CACNG6: variants seen among roughly 807,000 people sequenced by gnomAD.
CACNG6 encodes voltage-dependent calcium channel gamma-6 subunit.
Under a neutral mutation model 23.9 loss-of-function variants are expected in CACNG6, and 21 were observed. That is an observed-to-expected ratio of 0.88 (90% CI 0.62 to 1.26). CACNG6 has a LOEUF of 1.26. Among genes scored for constraint, CACNG6 ranks in the 50% most tolerant of loss-of-function variants. CACNG6 has a pLI of 0.00. For missense variants in CACNG6, 340 were observed against 352.9 expected, an observed-to-expected ratio of 0.96 and a Z score of 0.29; for synonymous variants, 182 against 168.9, an observed-to-expected ratio of 1.08 and a Z score of -0.60.
At chr19:53,998,675 C>G (rs1265067699) in intron 2 of CACNG6, among the ~76,000 whole-genome samples, 2 of 152,038 alleles carry the variant, frequency 1.3e-5, no homozygotes, top group South Asian at 2.1e-4. Flanking sequence ...TCATGCCCAG[C>G]TAATTTTTAT....
At chr19:54,005,839 C>G (rs2069638048) in intron 3 of CACNG6, among the ~76,000 whole-genome samples, 1 of 150,686 alleles carries the variant, frequency 6.6e-6, no homozygotes, top group South Asian at 2.1e-4. Context: ...TCCTGTTATC[C>G]CATAACTTTG....
Position 53,998,261 on chromosome 19 carries a change from A to C in CACNG6, c.354A>C (p.Lys118Asn), listed in dbSNP as rs772227869. The C allele has an allele frequency of 5.0e-6, 8 of 1,613,934 alleles. No homozygotes were observed. The African/African-American group carries it at 1.1e-4, about 22-fold the overall frequency. ...CAGAAGCAAACTGCACCTATTTTAA[A>C]TTCTTCACCACGGGGGAGAATGCAC... ...LPGEANCTYF[K>N]FFTTGENARI... Residue 118 changes from lysine (K) to asparagine (N), a missense_variant, in exon 2 of 4, where the codon AAA becomes AAC. Coordinates refer to ENST00000252729, the MANE Select transcript of CACNG6 (RefSeq NM_145814.2).
intron 3 of CACNG6, among the ~76,000 whole-genome samples, chr19:54,002,364 C>T (rs1414693314): frequency 6.7e-6 from 1 of 149,216 alleles, no homozygotes; most frequent in Non-Finnish European, 1.5e-5. Context: ...GTGATCCGCC[C>T]ACCTCGGCCT....
intron 3 of CACNG6, among the ~76,000 whole-genome samples, chr19:54,008,702 T>C (rs2145967479): frequency 6.6e-6 from 1 of 152,356 alleles, no homozygotes; most frequent in Non-Finnish European, 1.5e-5. Context: ...GTTTTGAGCA[T>C]GACTGACTTC....
intron 3 of CACNG6, 57 bp downstream of exon 3, chr19:53,999,828 A>T (rs974268028): frequency 3.7e-5 from 59 of 1,593,216 alleles, no homozygotes; most frequent in Middle Eastern, 4.2e-4. Context: ...ATCTCCAGGC[A>T]CTGTTGCATG....
At chr19:54,002,268 TTTTTTTGTTTTTTTTG>T (rs1008351349) in intron 3 of CACNG6, among the ~76,000 whole-genome samples, 5 of 111,980 alleles carry the variant, frequency 4.5e-5, no homozygotes, top group African/African-American at 2.6e-4. Context: ...TAATTTTCGG[TTTTTTTGTTTTTTTTG>T]TTTTTTTTTT....
chr19:53,997,936 G>A (rs138155711), intron 1 of CACNG6, among the ~76,000 whole-genome samples: 10 of 152,232 alleles, frequency 6.6e-5, no homozygotes, highest in Middle Eastern at 3.4e-3. Context: ...AAACCCATAC[G>A]AAGGGGCCAG....
intron 3 of CACNG6, among the ~76,000 whole-genome samples, 184 bp from the exon 4 acceptor site, chr19:54,011,767 T>C (rs2069717727): frequency 1.3e-5 from 2 of 151,688 alleles, no homozygotes; most frequent in South Asian, 4.2e-4. Context: ...TCTTGTTTTT[T>C]TTTTTCTTTA....
Position 53,999,700 on chromosome 19 carries a change from G to C in CACNG6, c.473G>C (p.Cys158Ser), listed in dbSNP as rs202066966. Residue 158 changes from cysteine (C) to serine (S), a missense_variant, in exon 3 of 4, where the codon TGT (cysteine) becomes TCT (serine). By Grantham distance (112) the Cys-to-Ser change is moderately radical. Transcript: ENST00000252729. ...GCAGTCATGGCCTTGGGGTGCCTCTGTATCATCATGGTGCTCAGTAAAGGT... is the reference window on the plus strand; with the variant it reads ...GCAGTCATGGCCTTGGGGTGCCTCTCTATCATCATGGTGCTCAGTAAAGGT... ...GLAVMALGCL[C>S]IIMVLSKGAE... is the part of the protein sequence containing the mutation. The C allele has an allele frequency of 6.2e-7, 1 of 1,613,896 alleles. No homozygotes were observed. The highest frequency in any genetic ancestry group is 8.5e-7 in the Non-Finnish European group (1 of 1,179,966).
intron 3 of CACNG6, among the ~76,000 whole-genome samples, chr19:54,000,620 C>G (rs1331604166): frequency 6.6e-6 from 1 of 152,100 alleles, no homozygotes; most frequent in Non-Finnish European, 1.5e-5. Context: ...CCTTTGTCTC[C>G]CAGGCTGGAG....
Position 53,992,519 on chromosome 19 carries a change from G to A in CACNG6, c.-359G>A. 1 of 176,938 alleles carries A rather than the reference G, an allele frequency of 5.7e-6. No homozygotes were observed. The highest frequency in any genetic ancestry group is 1.2e-5 in the Non-Finnish European group (1 of 85,094). 11.0% of individuals were successfully genotyped at this position (176,938 alleles called of 1,614,324 possible). ...GCGGGCACCAGTTCTCATTCCTCTGGAGCTCTTGGGGGGACTCCCTCCTGG... is the reference window on the plus strand; with the variant it reads ...GCGGGCACCAGTTCTCATTCCTCTGAAGCTCTTGGGGGGACTCCCTCCTGG... On this transcript the variant is annotated 5_prime_UTR_variant, in exon 1 of 4. Transcript: ENST00000252729. The surrounding 1 kb of genome is among the most constrained non-coding windows in gnomAD (Gnocchi z 4.1).
At chr19:53,994,290 A>G (rs1369623098) in intron 1 of CACNG6, among the ~76,000 whole-genome samples, 1 of 152,060 alleles carries the variant, frequency 6.6e-6, no homozygotes, top group Non-Finnish European at 1.5e-5. Context: ...CTTCCCTGCA[A>G]TGTTCTTCAC....
Position 53,992,856 on chromosome 19 carries a change from T to C in CACNG6, c.-22T>C. The C allele has an allele frequency of 7.3e-7, 1 of 1,369,080 alleles. No homozygotes were observed. The highest frequency in any genetic ancestry group is 9.5e-7 in the Non-Finnish European group (1 of 1,057,456). 84.8% of individuals were successfully genotyped at this position (1,369,080 alleles called of 1,614,324 possible). A position where few individuals can be genotyped will look rare whatever the true frequency, so the allele number is the denominator to read the frequency against. On this transcript the variant is annotated 5_prime_UTR_variant, in exon 1 of 4. Transcript: ENST00000252729. This position sits in a 1 kb window ranked among gnomAD's most constrained non-coding sequence, Gnocchi z 4.1. ...TTCGCCGGCTCTGCCTCCTCCCCCT[T>C]CCCGACCCCACCGGCCATAAGATGA...
chr19:53,994,629 C>T (rs1485645929), intron 1 of CACNG6, among the ~76,000 whole-genome samples: 7 of 152,162 alleles, frequency 4.6e-5, no homozygotes, highest in South Asian at 2.1e-4. Context: ...TCTCCAAAGA[C>T]GGTCCTATCA....
In CACNG6 at chr19:53,998,258, T is replaced by C. The variant is rs761886401; in HGVS notation, c.351T>C (p.Phe117=). The C allele has an allele frequency of 6.2e-7, 1 of 1,614,084 alleles. No homozygotes were observed. The highest frequency in any genetic ancestry group is 8.5e-7 in the Non-Finnish European group (1 of 1,179,978). Residue 117 remains phenylalanine (F), a synonymous_variant, in exon 2 of 4, where the codon TTT becomes TTC. Transcript: ENST00000252729. ...ELPGEANCTY[F]KFFTTGENAR... ...CCACAGAAGCAAACTGCACCTATTT[T>C]AAATTCTTCACCACGGGGGAGAATG...
chr19:53,991,588 A>G (rs866456911), upstream of CACNG6, among the ~76,000 whole-genome samples: 2 of 2,174 alleles, frequency 9.2e-4, no homozygotes, highest in East Asian at 0.013. Flanking sequence ...TGGAGGGTGG[A>G]GGGTGGGGGG....
intron 3 of CACNG6, among the ~76,000 whole-genome samples, chr19:54,009,454 A>G (rs918523333): frequency 2.4e-4 from 36 of 148,860 alleles, no homozygotes; most frequent in Non-Finnish European, 4.9e-4. Flanking sequence ...CATCTAAAAA[A>G]AAAAAAAAAA....
rs147610426 is a variant in CACNG6, at chr19:54,012,087, C to T, written c.681C>T (p.Ala227=). The change falls in exon 4 of 4, where the codon GCC becomes GCT. Residue 227 remains alanine, a synonymous_variant. Transcript: ENST00000252729. Reference sequence around the variant, plus strand: ...GGTCCCTGGGCTGCGGCGTGGGGGCCGGCCTGATCCTGCTGTTGGGGGCCG... The same window carrying T: ...GGTCCCTGGGCTGCGGCGTGGGGGCTGGCCTGATCCTGCTGTTGGGGGCCG... ...YSWSLGCGVG[A]GLILLLGAGC... 4.2e-4 allele frequency: 656 copies of T among 1,580,398 alleles called. 4 individuals carry two copies. Among genetic ancestry groups the T allele is most frequent in the Non-Finnish European group, 3.3e-4 (385 of 1,165,902 alleles).
intron 3 of CACNG6, among the ~76,000 whole-genome samples, chr19:54,005,259 A>T: frequency 2.6e-5 from 3 of 116,326 alleles, no homozygotes; most frequent in Non-Finnish European, 5.4e-5. Flanking sequence ...ATAATAATAA[A>T]AGAAAGAGCA....
Sources: gnomAD v4.1 joint callset for allele counts (sites outside exome capture counted in the v4.1 genomes callset) on GRCh38, gnomAD v4.1.1 for gene constraint, Gnocchi (gnomAD v3.1) non-coding constraint, MANE v1.5 for transcripts, NCBI Gene and HGNC (gene_info 2026-07-23, HGNC 2026-07-21) for gene names.